The following BCAS1 variants were observed in gnomAD, a reference collection of about 807,000 sequenced individuals.
The protein encoded by BCAS1 is breast carcinoma-amplified sequence 1.
A neutral mutation model predicts 65.4 loss-of-function variants in BCAS1; 46 were observed. The observed-to-expected ratio is 0.70, with a 90% CI of 0.55 to 0.90. The LOEUF (loss-of-function observed/expected upper bound fraction) is 0.90, where lower values mean the gene tolerates loss of function less well. BCAS1 is among the 40% of genes least tolerant of loss of function. The pLI, the probability that BCAS1 is intolerant of heterozygous loss-of-function variation, is 0.00. For missense variants in BCAS1, 793 were observed against 771.2 expected (o/e 1.03, Z -0.33); for synonymous variants, 298 against 293.5 (o/e 1.02, Z -0.16).
chr20:53,966,264 T>G (rs2090023047), intron 10 of BCAS1, among the ~76,000 whole-genome samples: 1 of 152,198 alleles, frequency 6.6e-6, no homozygotes, highest in Non-Finnish European at 1.5e-5. Flanking sequence ...AAAGAAAATG[T>G]GGCTTATGTA....
intron 9 of BCAS1, among the ~76,000 whole-genome samples, chr20:53,971,927 T>TA (rs1186312960): frequency 1.3e-5 from 2 of 152,178 alleles, no homozygotes; most frequent in Non-Finnish European, 2.9e-5. Context: ...TTTCAAGAGT[T>TA]AAAAAAAGAT....
chr20:54,014,484 C>A lies in BCAS1; in HGVS notation c.723+13908G>T, dbSNP rs568760776. On this transcript the variant is annotated intron_variant, in intron 4 of 12. Coordinates refer to ENST00000688948, the MANE Select transcript of BCAS1 (RefSeq NM_001366298.2). ...CAGCTGGACTTCAGACTCCTTTAAG[C>A]AGATCTACATTGTTAAAGTGAAAAT... is the stretch of plus-strand genomic sequence containing the variant. Among the ~76,000 whole-genome samples the A allele has an allele frequency of 3.3e-5, 5 of 151,564 alleles. No individual in the cohort carries two copies. In the East Asian group the frequency reaches 5.8e-4, roughly 18 times the overall value.
rs766272944 is a variant in BCAS1, at chr20:54,028,582, C to G, written c.533G>C (p.Gly178Ala). Residue 178 changes from glycine (G) to alanine (A), a missense_variant, in exon 4 of 13, where the codon GGG becomes GCG. By Grantham distance (60) the Gly-to-Ala change is moderately conservative (BLOSUM62 0). Transcript: ENST00000688948. The stretch of plus-strand genomic sequence containing the variant: ...GGAGGGAGCTTCTCCTCCTGCTCCC[C>G]CTGTCTCAGGTGGGAGAAGCGTGGG... ...RDPTLLPPET[G>A]GAGGEAPSKP... The G allele has an allele frequency of 1.9e-6, 3 of 1,614,164 alleles. No homozygotes were observed. The Admixed American group carries it at 5.0e-5, about 27-fold the overall frequency.
intron 3 of BCAS1, among the ~76,000 whole-genome samples, chr20:54,032,750 T>C (rs2091827875): frequency 6.6e-6 from 1 of 151,188 alleles, no homozygotes; most frequent in Non-Finnish European, 1.5e-5. Flanking sequence ...AAGGATAAAG[T>C]GTTAAATTAA....
chr20:54,005,074 A>G (rs2091151400), intron 4 of BCAS1, among the ~76,000 whole-genome samples: 1 of 152,202 alleles, frequency 6.6e-6, no homozygotes. Context: ...GAGATTTACA[A>G]AAATGAATCT....
In BCAS1 at chr20:54,028,643, G is replaced by C; in HGVS notation, c.472C>G (p.Pro158Ala). 6.2e-7 allele frequency: 1 copy of C among 1,614,206 alleles called. No homozygotes were observed. The highest frequency in any genetic ancestry group is 8.5e-7 in the Non-Finnish European group (1 of 1,180,036). Residue 158 changes from proline to alanine, a missense_variant, in exon 4 of 13, where the codon CCG becomes GCG. Pro to Ala is a conservative substitution (Grantham distance 27). Transcript: ENST00000688948. ...QDTDKTPGHA[P>A]AQDKVLSAAR... ...GCAGAGAGGACCTTGTCTTGGGCCGGGGCGTGCCCTGGGGTTTTATCTGTG... is the reference window on the plus strand; with the variant it reads ...GCAGAGAGGACCTTGTCTTGGGCCGCGGCGTGCCCTGGGGTTTTATCTGTG...
rs2092335769 is a variant in BCAS1, at chr20:54,058,678, T to C, written c.41A>G (p.Gln14Arg). 6.2e-7 allele frequency: 1 copy of C among 1,611,854 alleles called. No homozygotes were observed. The highest frequency in any genetic ancestry group is 1.3e-5 in the African/African-American group (1 of 74,804). The change falls in exon 2 of 13, where the codon CAA becomes CGA. Residue 14 changes from glutamine to arginine, a missense_variant. Physicochemically the swap from Gln to Arg is conservative, Grantham distance 43. Coordinates refer to ENST00000688948, the MANE Select transcript of BCAS1 (RefSeq NM_001366298.2). ...AGTCTCTGCTTCTGGTTCATTCTCT[T>C]GGTCTTCAACTCTTTGGGGAACACT... ...QMSVPQRVEDQENEPEAETYQ... is the reference protein window; with the variant it reads ...QMSVPQRVEDRENEPEAETYQ...
intron 12 of BCAS1, among the ~76,000 whole-genome samples, chr20:53,949,949 C>A (rs1803092601): frequency 6.6e-6 from 1 of 152,168 alleles, no homozygotes; most frequent in South Asian, 2.1e-4. Context: ...TCAGGAATCA[C>A]CAGGCCAATC....
chr20:54,013,894 T>C (rs2091376208), intron 4 of BCAS1, among the ~76,000 whole-genome samples: 1 of 152,232 alleles, frequency 6.6e-6, no homozygotes, highest in African/African-American at 2.4e-5. Flanking sequence ...TTCTTATATA[T>C]GCTCAAAGGA....
At chr20:54,018,766 T>C (rs2091495867) in intron 4 of BCAS1, among the ~76,000 whole-genome samples, 1 of 152,218 alleles carries the variant, frequency 6.6e-6, no homozygotes, top group Non-Finnish European at 1.5e-5. Context: ...AAGTGGTCCA[T>C]GATGGGTGTA....
rs777309770 is a variant in BCAS1, at chr20:54,028,609, T to A, written c.506A>T (p.Asp169Val). 4.3e-6 allele frequency: 7 copies of A among 1,614,054 alleles called. No homozygotes were observed. Among genetic ancestry groups the A allele is most frequent in the Non-Finnish European group, 5.9e-6 (7 of 1,180,042 alleles). The change falls in exon 4 of 13, where the codon GAT becomes GTT. Residue 169 changes from aspartate to valine, a missense_variant. Transcript: ENST00000688948. ...TGTCTCAGGTGGGAGAAGCGTGGGATCCCTGGCGGCAGAGAGGACCTTGTC... is the reference window on the plus strand; with the variant it reads ...TGTCTCAGGTGGGAGAAGCGTGGGAACCCTGGCGGCAGAGAGGACCTTGTC... ...AQDKVLSAAR[D>V]PTLLPPETGG... is the part of the protein sequence containing the mutation.
At chr20:54,037,709 A>G (rs2091922883) in intron 3 of BCAS1, among the ~76,000 whole-genome samples, 1 of 151,402 alleles carries the variant, frequency 6.6e-6, no homozygotes, top group Non-Finnish European at 1.5e-5. Context: ...AAGTCAAGTC[A>G]GTTTTCTAAT....
At chr20:54,047,395 T>C (rs555989519) in intron 3 of BCAS1, among the ~76,000 whole-genome samples, 26 of 152,354 alleles carry the variant, frequency 1.7e-4, no homozygotes, top group African/African-American at 6.3e-4. Flanking sequence ...TGGTGGGTTG[T>C]ATGTGTGCAT....
At chr20:53,955,969 G>A (rs1410418229) in intron 11 of BCAS1, among the ~76,000 whole-genome samples, 2 of 152,120 alleles carry the variant, frequency 1.3e-5, no homozygotes, top group African/African-American at 4.8e-5. Context: ...GTTTAAAAAT[G>A]TAGGATAAAC....
chr20:53,965,749 G>T (rs2018642890), intron 10 of BCAS1, among the ~76,000 whole-genome samples: 1 of 151,948 alleles, frequency 6.6e-6, no homozygotes, highest in South Asian at 2.1e-4. Flanking sequence ...ATATAACTTG[G>T]ACTATTTGAT....
At chr20:54,036,852 CA>C (rs1443188975) in intron 3 of BCAS1, among the ~76,000 whole-genome samples, 1 of 151,226 alleles carries the variant, frequency 6.6e-6, no homozygotes. Flanking sequence ...CTTTTAAAAA[CA>C]GTAGTGATAT....
chr20:54,026,766 C>T (rs1262222441), intron 4 of BCAS1, among the ~76,000 whole-genome samples: 4 of 152,220 alleles, frequency 2.6e-5, no homozygotes, highest in Admixed American at 6.5e-5. Context: ...CCTCTGGGCA[C>T]GTAACTTTCA....
intron 10 of BCAS1, among the ~76,000 whole-genome samples, chr20:53,958,218 G>A (rs1306881866): frequency 1.3e-5 from 2 of 152,142 alleles, no homozygotes; most frequent in African/African-American, 2.4e-5. Context: ...GAGTACCACC[G>A]CTCTCAGCAA....
chr20:54,054,762 C>T (rs530159004), intron 3 of BCAS1, among the ~76,000 whole-genome samples: 10 of 152,312 alleles, frequency 6.6e-5, no homozygotes, highest in South Asian at 2.1e-4. Context: ...TCTTTTCCCT[C>T]GTCATGTGCA....
Sources: allele counts gnomAD v4.1 joint callset (sites outside exome capture counted in the v4.1 genomes callset), GRCh38; gene constraint gnomAD v4.1.1; transcripts MANE v1.5; gene names NCBI Gene and HGNC (gene_info 2026-07-23, HGNC 2026-07-21).